The following CNTNAP2 variants were observed in gnomAD, a reference collection of about 807,000 sequenced individuals.
The protein encoded by CNTNAP2 is contactin associated protein 2, also known as contactin-associated protein-like 2.
Under a neutral mutation model 155.2 loss-of-function variants are expected in CNTNAP2, and 98 were observed. The ratio of observed to expected loss-of-function variants is 0.63; its 90% confidence interval spans 0.54 to 0.75. CNTNAP2 has a LOEUF of 0.75. Among genes scored for constraint, CNTNAP2 ranks in the 30% least tolerant of loss-of-function variants. The pLI, the probability that CNTNAP2 is intolerant of heterozygous loss-of-function variation, is 0.00. For synonymous variants in CNTNAP2, 651 were observed against 631.2 expected (o/e 1.03, Z -0.47); for missense variants, 1,727 against 1,688.1 (o/e 1.02, Z -0.40).
At chr7:148,207,894 G>C (rs1487889619) in intron 18 of CNTNAP2, among the ~76,000 whole-genome samples, 3 of 152,016 alleles carry the variant, frequency 2.0e-5, no homozygotes, top group Non-Finnish European at 2.9e-5. Context: ...TCAGGAGATC[G>C]AGACCACGGT....
At chr7:147,708,664 T>A (rs942313137) in intron 13 of CNTNAP2, among the ~76,000 whole-genome samples, 5 of 151,896 alleles carry the variant, frequency 3.3e-5, no homozygotes, top group African/African-American at 1.2e-4. Context: ...CTGTTGGGGG[T>A]CACTCACTTA....
intron 1 of CNTNAP2, among the ~76,000 whole-genome samples, chr7:146,439,686 T>A (rs1796293191): frequency 6.6e-6 from 1 of 151,550 alleles, no homozygotes; most frequent in Non-Finnish European, 1.5e-5. Flanking sequence ...CATATATATA[T>A]GGGAGCAGAA....
intron 12 of CNTNAP2, among the ~76,000 whole-genome samples, chr7:147,633,235 T>G (rs1022440863): frequency 2.0e-5 from 3 of 152,222 alleles, no homozygotes; most frequent in Admixed American, 1.3e-4. Context: ...CCATGGTGAC[T>G]TTCACATGAT....
chr7:147,514,145 C>T (rs1799073147), intron 11 of CNTNAP2, among the ~76,000 whole-genome samples: 1 of 152,110 alleles, frequency 6.6e-6, no homozygotes, highest in Non-Finnish European at 1.5e-5. Flanking sequence ...TGACAGTAGG[C>T]TTTGCTACTA....
intron 2 of CNTNAP2, among the ~76,000 whole-genome samples, chr7:146,804,211 T>C (rs762399752): frequency 2.0e-5 from 3 of 152,212 alleles, no homozygotes; most frequent in Non-Finnish European, 2.9e-5. Flanking sequence ...ACTGTAATCA[T>C]ATGATTGTGT....
chr7:147,349,212 C>T (rs941166131), intron 9 of CNTNAP2, among the ~76,000 whole-genome samples: 9 of 151,802 alleles, frequency 5.9e-5, no homozygotes, highest in Non-Finnish European at 1.2e-4. Flanking sequence ...GACCGTTATA[C>T]ATTATATGTA....
chr7:146,906,860 C>T (rs1371552686), intron 3 of CNTNAP2, among the ~76,000 whole-genome samples: 25 of 148,442 alleles, frequency 1.7e-4, no homozygotes, highest in African/African-American at 3.0e-4. Context: ...CTCTGAGCTA[C>T]GGGAGGACAT....
chr7:146,969,448 G>T (rs1023195382), intron 3 of CNTNAP2, among the ~76,000 whole-genome samples: 2 of 152,094 alleles, frequency 1.3e-5, no homozygotes, highest in East Asian at 1.9e-4. Context: ...GGGAGTCTAA[G>T]TCTCTTTGTA....
At chr7:146,533,737 T>C (rs915474232) in intron 1 of CNTNAP2, among the ~76,000 whole-genome samples, 2 of 152,092 alleles carry the variant, frequency 1.3e-5, no homozygotes, top group Non-Finnish European at 2.9e-5. Flanking sequence ...CTGGATCCCA[T>C]TGCTGTTATG....
rs565273027 is a variant in CNTNAP2, at chr7:146,125,346, A to G, written c.97+8373A>G. Among the ~76,000 whole-genome samples the G allele has an allele frequency of 2.4e-4, 36 of 152,054 alleles. No individual in the cohort carries two copies. The South Asian group carries it at 5.4e-3, about 23-fold the overall frequency. On this transcript the variant is annotated intron_variant, in intron 1 of 23. Coordinates refer to ENST00000361727, the MANE Select transcript of CNTNAP2 (RefSeq NM_014141.6). ...AATCCCAGCACTTTGGGAGGCTGAG[A>G]CAGGCGGATCACGAGGTCAGGAGAT...
chr7:147,807,687 T>C (rs1191236923), intron 13 of CNTNAP2, among the ~76,000 whole-genome samples: 2 of 152,092 alleles, frequency 1.3e-5, no homozygotes, highest in Non-Finnish European at 2.9e-5. Flanking sequence ...GCATATGTGG[T>C]TGAGTTTAGC....
chr7:146,972,532 A>G (rs1261596086), intron 3 of CNTNAP2, among the ~76,000 whole-genome samples: 3 of 152,218 alleles, frequency 2.0e-5, no homozygotes, highest in Admixed American at 6.5e-5. Context: ...CAATGACCAT[A>G]TAAAGCAGGT....
intron 12 of CNTNAP2, among the ~76,000 whole-genome samples, chr7:147,594,273 G>A (rs371844728): frequency 4.6e-5 from 7 of 151,790 alleles, no homozygotes; most frequent in African/African-American, 1.2e-4. Flanking sequence ...CCACAGGCGC[G>A]CACCACCATG....
chr7:147,111,836 G>T (rs1300486277), intron 5 of CNTNAP2, among the ~76,000 whole-genome samples: 1 of 152,024 alleles, frequency 6.6e-6, no homozygotes, highest in Non-Finnish European at 1.5e-5. Context: ...TTAGGATTGT[G>T]TTGGCCATTG....
At chr7:146,676,276 A>G (rs1048066165) in intron 1 of CNTNAP2, among the ~76,000 whole-genome samples, 15 of 152,310 alleles carry the variant, frequency 9.8e-5, no homozygotes, top group African/African-American at 3.6e-4. Flanking sequence ...AACTATAATG[A>G]ATTGGCTATA....
intron 13 of CNTNAP2, among the ~76,000 whole-genome samples, chr7:147,695,250 C>A (rs140885079): frequency 8.8e-4 from 134 of 152,176 alleles, no homozygotes; most frequent in African/African-American, 2.9e-3. Context: ...TGTGTTATTA[C>A]CCAGAACGTG....
chr7:148,201,115 A>T (rs1436201900), intron 18 of CNTNAP2, among the ~76,000 whole-genome samples: 2 of 152,244 alleles, frequency 1.3e-5, no homozygotes, highest in Non-Finnish European at 2.9e-5. Flanking sequence ...ACAAACTCTC[A>T]GCATGTCAGA....
At chr7:147,169,686 T>A (rs568962887) in intron 8 of CNTNAP2, among the ~76,000 whole-genome samples, 1 of 152,126 alleles carries the variant, frequency 6.6e-6, no homozygotes, top group African/African-American at 2.4e-5. Context: ...TCTAGAGGAA[T>A]GGATAAATTC....
intron 4 of CNTNAP2, among the ~76,000 whole-genome samples, chr7:147,045,796 G>T (rs951632998): frequency 6.6e-5 from 10 of 151,702 alleles, no homozygotes; most frequent in Non-Finnish European, 1.3e-4. Flanking sequence ...TTAACTTTTA[G>T]TAAATAAATA....
Sources: gnomAD v4.1 joint callset for allele counts (sites outside exome capture counted in the v4.1 genomes callset) on GRCh38, gnomAD v4.1.1 for gene constraint, MANE v1.5 for transcripts, NCBI Gene and HGNC (gene_info 2026-07-23, HGNC 2026-07-21) for gene names.